The following DCAF8L2 variants were observed in gnomAD, a reference collection of about 807,000 sequenced individuals.
DCAF8L2 encodes the protein DDB1 and CUL4 associated factor 8 like 2.
For missense variants in DCAF8L2, 430 were observed against 490.7 expected (o/e 0.88, Z 1.17); for synonymous variants, 200 against 190.9 (o/e 1.05, Z -0.39).
At chrX:27,707,532 G>A (rs1197279351) in intron 3 of DCAF8L2, among the ~76,000 whole-genome samples, 1 of 111,579 alleles carries the variant, frequency 9.0e-6, no homozygotes, top group East Asian at 2.8e-4. Flanking sequence ...CAAATATAAT[G>A]ATGGAAAAAT....
intron 2 of DCAF8L2, among the ~76,000 whole-genome samples, chrX:27,652,314 G>A (rs1461331685): frequency 9.0e-6 from 1 of 111,555 alleles, no homozygotes. Flanking sequence ...CTATAAGCTT[G>A]ATGAAGTCCC....
At chrX:27,716,379 G>C (rs896735200) in intron 4 of DCAF8L2, among the ~76,000 whole-genome samples, 15 of 112,439 alleles carry the variant, frequency 1.3e-4, no homozygotes, top group African/African-American at 4.5e-4. Context: ...TTGAATATTA[G>C]TTTGTGTCAG....
chrX:27,558,266 C>T, the DCAF8L2 span, among the ~76,000 whole-genome samples: 1 of 112,102 alleles, frequency 8.9e-6, no homozygotes, highest in African/African-American at 3.2e-5. Flanking sequence ...AGCAGCCTTA[C>T]TTCCTCCTCA....
At chrX:27,695,210 T>C (rs1209199046) in intron 3 of DCAF8L2, among the ~76,000 whole-genome samples, 3 of 112,042 alleles carry the variant, frequency 2.7e-5, no homozygotes, top group African/African-American at 9.7e-5. Flanking sequence ...AGTATAAGAT[T>C]CTTCCTTGCT....
chrX:27,695,201 G>A (rs929490558), intron 3 of DCAF8L2, among the ~76,000 whole-genome samples: 1 of 111,785 alleles, frequency 8.9e-6, no homozygotes, highest in African/African-American at 3.3e-5. Context: ...ACTTCATAAA[G>A]TATAAGATTC....
At chrX:27,546,104 T>C in the DCAF8L2 span, among the ~76,000 whole-genome samples, 1 of 112,083 alleles carries the variant, frequency 8.9e-6, no homozygotes, top group Non-Finnish European at 1.9e-5. Context: ...TTCATAGATA[T>C]AATGTGGATG....
At chrX:27,548,018 A>T in the DCAF8L2 span, among the ~76,000 whole-genome samples, 2 of 108,882 alleles carry the variant, frequency 1.8e-5, no homozygotes, top group Admixed American at 1.0e-4. Context: ...TGGAGCTGTG[A>T]TTAAATTAAA....
chrX:27,582,209 A>G, the DCAF8L2 span, among the ~76,000 whole-genome samples: 2 of 112,010 alleles, frequency 1.8e-5, no homozygotes, highest in African/African-American at 3.2e-5. Context: ...CAAAAAAAGT[A>G]CAATTCCCAA....
chrX:27,708,473 G>C (rs1485435260), intron 3 of DCAF8L2, among the ~76,000 whole-genome samples: 1 of 111,852 alleles, frequency 8.9e-6, no homozygotes, highest in Admixed American at 9.5e-5. Context: ...TTAGTTCTTG[G>C]ATGGGAGTTT....
chrX:27,605,873 C>T (rs1850351180), intron 1 of DCAF8L2, among the ~76,000 whole-genome samples: 1 of 111,226 alleles, frequency 9.0e-6, no homozygotes. Context: ...TGAGACTTTT[C>T]TATCTTAACC....
chrX:27,509,132 C>T, the DCAF8L2 span, among the ~76,000 whole-genome samples: 2 of 111,548 alleles, frequency 1.8e-5, no homozygotes, highest in East Asian at 5.7e-4. Context: ...ATACAACATT[C>T]TGTCACTAGT....
chrX:27,540,487 C>A, the DCAF8L2 span, among the ~76,000 whole-genome samples: 16 of 111,343 alleles, frequency 1.4e-4, no homozygotes, highest in African/African-American at 5.2e-4. Flanking sequence ...ATAAATACTG[C>A]ATGTTCTCAC....
chrX:27,602,770 G>C (rs1374563618), intron 1 of DCAF8L2, among the ~76,000 whole-genome samples: 1 of 111,472 alleles, frequency 9.0e-6, no homozygotes, highest in Admixed American at 9.6e-5. Context: ...TACACTAAGT[G>C]ATCTAAAAGA....
At chrX:27,502,307 T>A in the DCAF8L2 span, among the ~76,000 whole-genome samples, 3 of 50,273 alleles carry the variant, frequency 6.0e-5, no homozygotes, top group African/African-American at 1.6e-4. Context: ...GGTGACAGAG[T>A]GAAACTCTGT....
At chrX:27,608,076 G>C (rs1926989786) in intron 1 of DCAF8L2, among the ~76,000 whole-genome samples, 1 of 111,468 alleles carries the variant, frequency 9.0e-6, no homozygotes, top group African/African-American at 3.2e-5. Context: ...ATATATGTTA[G>C]AGATAACGAT....
intron 3 of DCAF8L2, among the ~76,000 whole-genome samples, chrX:27,700,924 C>T (rs928318317): frequency 9.0e-6 from 1 of 110,995 alleles, no homozygotes; most frequent in African/African-American, 3.3e-5. Flanking sequence ...AATTAGAGTC[C>T]ACAGATTAAA....
chrX:27,588,744 C>T (rs746141148), upstream of DCAF8L2, among the ~76,000 whole-genome samples: 163 of 110,714 alleles, frequency 1.5e-3, no homozygotes, highest in African/African-American at 5.0e-3. Flanking sequence ...GAAAGAGCAA[C>T]TTACACACCA....
At chrX:27,629,951 C>A (rs1928216040) in intron 1 of DCAF8L2, among the ~76,000 whole-genome samples, 1 of 111,811 alleles carries the variant, frequency 8.9e-6, no homozygotes, top group African/African-American at 3.2e-5. Context: ...AGGATATATT[C>A]CCATTTACTT....
the DCAF8L2 span, among the ~76,000 whole-genome samples, chrX:27,527,972 T>G: frequency 9.3e-6 from 1 of 108,054 alleles, no homozygotes; most frequent in Non-Finnish European, 1.9e-5. Context: ...AATTATTAAA[T>G]TCCAATTTAA....
Sources: gnomAD v4.1 joint callset for allele counts (sites outside exome capture counted in the v4.1 genomes callset) on GRCh38, gnomAD v4.1.1 for gene constraint, MANE v1.5 for transcripts, NCBI Gene and HGNC (gene_info 2026-07-23, HGNC 2026-07-21) for gene names.